CCDC7: variants seen among roughly 807,000 people sequenced by gnomAD.
CCDC7 encodes the protein coiled-coil domain containing 7.
In CCDC7, 183 loss-of-function variants were observed where a neutral mutation model predicts 196.9. The observed-to-expected ratio is 0.93, with a 90% CI of 0.82 to 1.05. CCDC7 has a LOEUF of 1.05. CCDC7 is among the 50% of genes least tolerant of loss of function. The pLI, the probability that CCDC7 is intolerant of heterozygous loss-of-function variation, is 0.00. For missense variants in CCDC7, 1,540 were observed against 1,482.2 expected (o/e 1.04, Z -0.64); for synonymous variants, 525 against 484.6 (o/e 1.08, Z -1.10).
At chr10:32,571,563 C>A (rs1461571881) in intron 15 of CCDC7, among the ~76,000 whole-genome samples, 1 of 152,114 alleles carries the variant, frequency 6.6e-6, no homozygotes, top group Admixed American at 6.6e-5. Flanking sequence ...TTCTTGTACT[C>A]TGTTGCTCTA....
At chr10:32,693,345 A>C (rs1397835333) in intron 23 of CCDC7, among the ~76,000 whole-genome samples, 1 of 151,834 alleles carries the variant, frequency 6.6e-6, no homozygotes, top group African/African-American at 2.4e-5. Flanking sequence ...TGTTTCTTAT[A>C]TCTCTCCTCT....
chr10:32,873,718 A>G (rs2094508793), intron 41 of CCDC7, among the ~76,000 whole-genome samples: 1 of 151,726 alleles, frequency 6.6e-6, no homozygotes. Flanking sequence ...GTGGATATAT[A>G]TTTTCATTTA....
chr10:32,468,219 C>T (rs1039474896), intron 5 of CCDC7, among the ~76,000 whole-genome samples: 3 of 152,184 alleles, frequency 2.0e-5, no homozygotes, highest in African/African-American at 7.2e-5. Context: ...TATCCATGCA[C>T]ATGGAATGTT....
intron 24 of CCDC7, among the ~76,000 whole-genome samples, chr10:32,703,000 T>C (rs1365640326): frequency 6.6e-6 from 1 of 151,972 alleles, no homozygotes; most frequent in Non-Finnish European, 1.5e-5. Context: ...TAATTGGAGC[T>C]TTTAGCCTAT....
intron 18 of CCDC7, among the ~76,000 whole-genome samples, chr10:32,586,192 AT>A (rs2059255121): frequency 6.6e-6 from 1 of 152,132 alleles, no homozygotes; most frequent in Non-Finnish European, 1.5e-5. Flanking sequence ...GTGTCTGTTC[AT>A]ATCCTTCGCC....
At chr10:32,766,050 T>C (rs1203375798) in intron 28 of CCDC7, among the ~76,000 whole-genome samples, 1 of 152,064 alleles carries the variant, frequency 6.6e-6, no homozygotes, top group Non-Finnish European at 1.5e-5. Context: ...ATTATATTGA[T>C]GATATGCTGA....
intron 11 of CCDC7, among the ~76,000 whole-genome samples, chr10:32,536,853 T>G (rs1016578465): frequency 3.3e-5 from 5 of 152,220 alleles, no homozygotes; most frequent in Admixed American, 1.3e-4. Context: ...AGCTACATAG[T>G]ATTCCATGGA....
chr10:32,507,908 T>C (rs1303760988), intron 9 of CCDC7, among the ~76,000 whole-genome samples: 1 of 152,226 alleles, frequency 6.6e-6, no homozygotes, highest in Non-Finnish European at 1.5e-5. Flanking sequence ...AGCCTACAGC[T>C]AACATTACAC....
At chr10:32,548,078 T>C (rs1815470251) in intron 13 of CCDC7, among the ~76,000 whole-genome samples, 1 of 152,178 alleles carries the variant, frequency 6.6e-6, no homozygotes, top group Non-Finnish European at 1.5e-5. Flanking sequence ...CACTCGAACA[T>C]AAATTTAATT....
chr10:32,873,758 C>G (rs534515195), intron 41 of CCDC7, among the ~76,000 whole-genome samples: 1 of 151,860 alleles, frequency 6.6e-6, no homozygotes, highest in African/African-American at 2.4e-5. Context: ...AGTGGAATTG[C>G]CGGGTTGTGT....
chr10:32,632,613 T>A (rs1221335535), intron 18 of CCDC7, among the ~76,000 whole-genome samples: 1 of 152,124 alleles, frequency 6.6e-6, no homozygotes, highest in Non-Finnish European at 1.5e-5. Context: ...TTTAGCTGCA[T>A]CCCATAGTTT....
At chr10:32,452,021 C>T (rs919075094) in intron 1 of CCDC7, 100 bp downstream of exon 2, 49 of 1,404,462 alleles carry the variant, frequency 3.5e-5, no homozygotes, top group South Asian at 1.7e-4. Context: ...ATAGTCATAC[C>T]GATGGCTAAG....
At position 32,488,531 on chromosome 10, in the gene CCDC7, G is replaced by A. The variant is rs138875706; in HGVS notation, c.797-3391G>A. 8.7e-3 allele frequency among the ~76,000 whole-genome samples: 1,318 copies of A among 152,188 alleles called. 28 individuals are homozygous for A. Among genetic ancestry groups the A allele is most frequent in the African/African-American group, 0.029 (1,215 of 41,530 alleles). On this transcript the variant is annotated intron_variant, in intron 8 of 41. Transcript: ENST00000639629. ...CGACACTCCCCAGTGAGATGAACCC[G>A]GTACCTCAGTTGGAAATGCAGAAAT...
At chr10:32,809,774 T>C (rs999548750) in intron 30 of CCDC7, among the ~76,000 whole-genome samples, 2 of 152,206 alleles carry the variant, frequency 1.3e-5, no homozygotes, top group Non-Finnish European at 2.9e-5. Context: ...TTTTACACTG[T>C]TAGTGGGACT....
At chr10:32,698,581 G>T (rs2078117518) in intron 24 of CCDC7, among the ~76,000 whole-genome samples, 1 of 152,148 alleles carries the variant, frequency 6.6e-6, no homozygotes, top group African/African-American at 2.4e-5. Flanking sequence ...AGCCAATTCA[G>T]TCAAGTGGAA....
intron 25 of CCDC7, among the ~76,000 whole-genome samples, chr10:32,719,485 C>T (rs2082087126): frequency 6.6e-6 from 1 of 152,096 alleles, no homozygotes; most frequent in Non-Finnish European, 1.5e-5. Flanking sequence ...CATGACTAAA[C>T]ACCAAAGGCA....
Position 32,481,633 on chromosome 10 carries a change from A to T in CCDC7, c.796+7610A>T, listed in dbSNP as rs141229503. On this transcript the variant is annotated intron_variant, in intron 8 of 41. Transcript: ENST00000639629. ...TCACCAGTGAGTTTTATACTTTCAT[A>T]TGTATTTGTGTTACTACTTAGTGTC... is the stretch of plus-strand genomic sequence containing the variant. 580 of 152,220 alleles carry T rather than the reference A, an allele frequency of 3.8e-3. 5 individuals are homozygous for T. The highest frequency in any genetic ancestry group is 0.013 in the African/African-American group (559 of 41,536). 9.4% of individuals were successfully genotyped at this position (152,220 alleles called of 1,614,324 possible). A position where few individuals can be genotyped will look rare whatever the true frequency, so the allele number is the denominator to read the frequency against.
intron 13 of CCDC7, among the ~76,000 whole-genome samples, chr10:32,548,740 A>G (rs2052935363): frequency 6.6e-6 from 1 of 152,180 alleles, no homozygotes; most frequent in Non-Finnish European, 1.5e-5. Context: ...AATGCTATTA[A>G]TTCATTCCTT....
In CCDC7 at chr10:32,830,121, G is replaced by GATATATATATATATATATAT; in HGVS notation, c.3269-4693_3269-4674dup. Among the ~76,000 whole-genome samples the GATATATATATATATATATAT allele has an allele frequency of 7.2e-3, 362 of 50,338 alleles. 42 individuals carry two copies. The highest frequency in any genetic ancestry group is 0.019 in the South Asian group (20 of 1,042). The allele number at this position is 50,338 out of a possible 152,430, so 33.0% of individuals were successfully genotyped here. On this transcript the variant is annotated intron_variant, in intron 32 of 41. Coordinates refer to ENST00000639629, the Ensembl canonical transcript of CCDC7. ...TCCTATTAGTTCTTATATATATAAG[G>GATATATATATATATATATAT]ATATATATATATATATATATCCTAT...
Sources: allele counts gnomAD v4.1 joint callset (sites outside exome capture counted in the v4.1 genomes callset), GRCh38; gene constraint gnomAD v4.1.1; transcripts MANE v1.5; gene names NCBI Gene and HGNC (gene_info 2026-07-23, HGNC 2026-07-21).